Variants in SVEP1 observed in about 807,000 individuals in gnomAD.
The protein encoded by SVEP1 is sushi, von Willebrand factor type A, EGF and pentraxin domain-containing protein 1.
In SVEP1, 164 loss-of-function variants were observed where a neutral mutation model predicts 367.3. The ratio of observed to expected loss-of-function variants is 0.45; its 90% CI spans 0.39 to 0.51. The LOEUF is 0.51. Among genes scored for constraint, SVEP1 ranks in the 20% least tolerant of loss-of-function variants. The pLI is 0.00. For missense variants in SVEP1, 4,117 were observed against 4,425.3 expected, an observed-to-expected ratio of 0.93 and a Z score of 1.98; for synonymous variants, 1,666 against 1,611.6, an observed-to-expected ratio of 1.03 and a Z score of -0.81.
chr9:110,386,705 A>G (rs759326540), intron 42 of SVEP1, among the ~76,000 whole-genome samples: 10 of 149,712 alleles, frequency 6.7e-5, no homozygotes, highest in African/African-American at 2.6e-4. Flanking sequence ...TGTGACACAC[A>G]TGTCAACACA....
At position 110,451,396 on chromosome 9, in the gene SVEP1, C is replaced by T. The variant is rs758873646; in HGVS notation, c.3794G>A (p.Arg1265Gln). Reference protein sequence around the residue: ...CECPSGYTGQRCEENINECSS... With the variant: ...CECPSGYTGQQCEENINECSS... ...ACACTCATTTATATTTTCTTCACACCGCTGACCTGCAAAGAATCATTCATC... is the reference window on the plus strand; with the variant it reads ...ACACTCATTTATATTTTCTTCACACTGCTGACCTGCAAAGAATCATTCATC... The change falls in exon 23 of 48, where the codon CGG becomes CAG. Residue 1265 changes from arginine (R) to glutamine (Q), a missense_variant. Around this residue, in one of 4 missense-constraint regions of SVEP1, gnomAD observed 2,174 missense variants for 2,494.3 expected, o/e 0.87. Transcript: ENST00000374469. 8.7e-6 allele frequency: 14 copies of T among 1,611,624 alleles called. No homozygotes were observed. The highest frequency in any genetic ancestry group is 2.2e-5 in the East Asian group (1 of 44,820).
chr9:110,515,466 A>G (rs1829787902), intron 3 of SVEP1, among the ~76,000 whole-genome samples: 1 of 151,634 alleles, frequency 6.6e-6, no homozygotes, highest in Non-Finnish European at 1.5e-5. Context: ...ACGCCTGGCT[A>G]ATTTTTTGTA....
In SVEP1 at chr9:110,406,221, A is replaced by G. The variant is rs41278435; in HGVS notation, c.9379T>C (p.Ser3127Pro). 59,509 of 1,610,814 alleles carry G rather than the reference A, an allele frequency of 0.037. 1,220 individuals carry two copies. The highest frequency in any genetic ancestry group is 0.056 in the East Asian group (2,495 of 44,850). Residue 3127 changes from serine (S) to proline (P), a missense_variant, in exon 38 of 48, where the codon TCT becomes CCT. Around this residue, in one of 4 missense-constraint regions of SVEP1, gnomAD observed 1,765 missense variants for 1,781.1 expected, o/e 0.99. Transcript: ENST00000374469. ...CCAGTTGCCACTGCATTGGCGACAGACGGTGGGGACCCACAGGACAAGGGC... is the reference window on the plus strand; with the variant it reads ...CCAGTTGCCACTGCATTGGCGACAGGCGGTGGGGACCCACAGGACAAGGGC... ...CEPLSCGSPP[S>P]VANAVATGEA... is the part of the protein sequence containing the mutation.
chr9:110,435,380 C>T lies in SVEP1; in HGVS notation c.4765-16G>A, dbSNP rs751320137. ...GTGACTTCACCTGAAAGTTTAATAA[C>T]ACTTTAGATAAGCCTTACTTGTTCC... On this transcript the variant is annotated splice_polypyrimidine_tract_variant and intron_variant, in intron 28 of 47. Coordinates refer to ENST00000374469, the MANE Select transcript of SVEP1 (RefSeq NM_153366.4). 3.1e-6 allele frequency: 5 copies of T among 1,611,550 alleles called. No homozygotes were observed. Among genetic ancestry groups the T allele is most frequent in the Admixed American group, 1.7e-5 (1 of 59,872 alleles).
chr9:110,396,505 G>C (rs1338710261), intron 40 of SVEP1, among the ~76,000 whole-genome samples: 2 of 152,024 alleles, frequency 1.3e-5, no homozygotes, highest in East Asian at 3.9e-4. Flanking sequence ...GATCAGAGCA[G>C]AACTGAAGGA....
intron 1 of SVEP1, among the ~76,000 whole-genome samples, chr9:110,558,304 CT>C (rs1321343557): frequency 1.3e-4 from 18 of 133,386 alleles, no homozygotes; most frequent in Admixed American, 5.1e-4. Context: ...CAAGACCAGG[CT>C]GGGCAACATG....
chr9:110,460,958 TTTGAA>T (rs1645485915), intron 18 of SVEP1, among the ~76,000 whole-genome samples: 1 of 152,202 alleles, frequency 6.6e-6, no homozygotes, highest in African/African-American at 2.4e-5. Flanking sequence ...GCTACTGGGC[TTTGAA>T]TTGAACTTTT....
At chr9:110,387,639 A>C (rs1827545828) in intron 41 of SVEP1, among the ~76,000 whole-genome samples, 181 bp from the exon 42 acceptor site, 1 of 152,234 alleles carries the variant, frequency 6.6e-6, no homozygotes, top group Admixed American at 6.5e-5. Context: ...GGATTAATAC[A>C]TGCATGCAAT....
intron 36 of SVEP1, among the ~76,000 whole-genome samples, chr9:110,417,074 A>T (rs1000902518): frequency 6.6e-6 from 1 of 152,086 alleles, no homozygotes; most frequent in Non-Finnish European, 1.5e-5. Context: ...ACGGAATAAT[A>T]GCTTCAAAAT....
At chr9:110,433,109 G>T (rs573714573) in intron 30 of SVEP1, among the ~76,000 whole-genome samples, 46 of 152,256 alleles carry the variant, frequency 3.0e-4, no homozygotes, top group African/African-American at 9.4e-4. Context: ...GATGCCTTCT[G>T]CCATGAGTAA....
At chr9:110,375,571 A>G (rs1222818362) in intron 45 of SVEP1, 108 bp from the exon 46 acceptor site, 2 of 974,596 alleles carry the variant, frequency 2.1e-6, no homozygotes, top group African/African-American at 3.3e-5. Flanking sequence ...ATTTTGCAGG[A>G]GTGAAACCTT....
intron 17 of SVEP1, among the ~76,000 whole-genome samples, chr9:110,467,103 T>A (rs1041785840): frequency 5.3e-5 from 8 of 152,294 alleles, no homozygotes; most frequent in African/African-American, 1.7e-4. Flanking sequence ...CACCCACACC[T>A]GCATGCAGAA....
intron 45 of SVEP1, among the ~76,000 whole-genome samples, chr9:110,376,387 A>G (rs750564344): frequency 3.9e-5 from 6 of 152,222 alleles, no homozygotes; most frequent in Non-Finnish European, 8.8e-5. Flanking sequence ...TCTAGGTGAA[A>G]TGGAATGATT....
rs575727065 is a variant in SVEP1 at position 110,579,420 on chromosome 9, C to T, written c.124G>A (p.Ala42Thr). The T allele has an allele frequency of 3.8e-6, 6 of 1,582,960 alleles. No individual in the cohort carries two copies. In the South Asian group the frequency reaches 5.7e-5, roughly 15 times the overall value. ...GGCGGCGCGGGGATACTCCCGGGGG[C>T]CCCGGGCGCGGTCTCGGGGAAGAGG... ...FRLFPETAPG[A>T]PGSIPAPPAP... The change falls in exon 1 of 48, where the codon GCC becomes ACC. Residue 42 changes from alanine to threonine, a missense_variant. Physicochemically the swap from Ala to Thr is moderately conservative, Grantham distance 58. This residue lies in a region of SVEP1 where 161 missense variants were observed against 122.4 expected (regional missense o/e 1.32). Coordinates refer to ENST00000374469, the MANE Select transcript of SVEP1 (RefSeq NM_153366.4). The surrounding 1 kb of genome is among the most constrained non-coding windows in gnomAD (Gnocchi z 5.3).
At chr9:110,542,022 G>C (rs1479610681) in intron 3 of SVEP1, among the ~76,000 whole-genome samples, 1 of 151,720 alleles carries the variant, frequency 6.6e-6, no homozygotes, top group Non-Finnish European at 1.5e-5. Flanking sequence ...CCATTTTACA[G>C]AAAAAACTCA....
At chr9:110,471,286 A>T in intron 16 of SVEP1, 78 bp downstream of exon 16, 1 of 1,146,600 alleles carries the variant, frequency 8.7e-7, no homozygotes, top group Non-Finnish European at 1.3e-6. Flanking sequence ...ATATCCCTTT[A>T]TAGTTGTAAA....
At chr9:110,389,960 T>A (rs1026924928) in intron 40 of SVEP1, among the ~76,000 whole-genome samples, 1 of 150,502 alleles carries the variant, frequency 6.6e-6, no homozygotes, top group Admixed American at 6.6e-5. Flanking sequence ...TACACACACA[T>A]ACACAATAGA....
At chr9:110,569,672 CTATT>C (rs1464681560) in intron 1 of SVEP1, among the ~76,000 whole-genome samples, 2 of 152,012 alleles carry the variant, frequency 1.3e-5, no homozygotes, top group African/African-American at 4.8e-5. Flanking sequence ...ATTTTTTTCT[CTATT>C]TATCTTGTGG....
chr9:110,414,350 T>A (rs542070998), intron 36 of SVEP1, among the ~76,000 whole-genome samples: 3 of 152,014 alleles, frequency 2.0e-5, no homozygotes, highest in Non-Finnish European at 2.9e-5. Flanking sequence ...CAGAGCTATA[T>A]GCAGCCACCT....
Sources: allele counts gnomAD v4.1 joint callset (sites outside exome capture counted in the v4.1 genomes callset), GRCh38; gene constraint gnomAD v4.1.1; regional missense constraint gnomAD v4.1.1; non-coding constraint Gnocchi (gnomAD v3.1); transcripts MANE v1.5; gene names NCBI Gene and HGNC (gene_info 2026-07-23, HGNC 2026-07-21).